The following NAALADL2 variants were observed in gnomAD, a reference collection of about 807,000 sequenced individuals.
NAALADL2 encodes N-acetylated alpha-linked acidic dipeptidase like 2.
In NAALADL2, 76 loss-of-function variants were observed where a neutral mutation model predicts 87.2. The ratio of observed to expected loss-of-function variants is 0.87; its 90% CI spans 0.72 to 1.05. The LOEUF (loss-of-function observed/expected upper bound fraction) is 1.05, where lower values mean the gene tolerates loss of function less well. Ranked by LOEUF, NAALADL2 falls within the 50% of genes least tolerant of loss-of-function variation. The pLI is 0.00. For synonymous variants in NAALADL2, 354 were observed against 331.0 expected, an observed-to-expected ratio of 1.07 and a Z score of -0.75; for missense variants, 1,089 against 945.8, an observed-to-expected ratio of 1.15 and a Z score of -1.99.
At chr3:175,039,750 G>C (rs1389069922) in intron 1 of NAALADL2, among the ~76,000 whole-genome samples, 1 of 152,076 alleles carries the variant, frequency 6.6e-6, no homozygotes, top group East Asian at 1.9e-4. Context: ...GGTTTACTGA[G>C]TACCAAGAGT....
intron 4 of NAALADL2, among the ~76,000 whole-genome samples, chr3:175,282,059 A>C (rs546436225): frequency 6.5e-4 from 99 of 152,186 alleles, no homozygotes; most frequent in African/African-American, 2.1e-3. Context: ...AGGAATGATT[A>C]GTTACCTAAA....
intron 5 of NAALADL2, among the ~76,000 whole-genome samples, chr3:175,328,788 A>G (rs4133272): frequency 0.044 from 6,637 of 152,304 alleles, 472 homozygotes; most frequent in African/African-American, 0.15. Flanking sequence ...GCCTAAAATC[A>G]TAAATCAGCT....
chr3:174,625,208 G>A (rs1350425718), intron 2 of NAALADL2, among the ~76,000 whole-genome samples: 3 of 151,664 alleles, frequency 2.0e-5, no homozygotes, highest in Admixed American at 6.6e-5. Context: ...ATGGGCACAC[G>A]CCACCACTCC....
intron 1 of NAALADL2, among the ~76,000 whole-genome samples, chr3:174,985,723 C>T (rs1161782409): frequency 1.3e-5 from 2 of 152,050 alleles, no homozygotes; most frequent in African/African-American, 2.4e-5. Context: ...GAGTCTGAGG[C>T]GGGATGGTCA....
At chr3:174,770,859 A>G (rs568866485) in intron 3 of NAALADL2, among the ~76,000 whole-genome samples, 54 of 147,812 alleles carry the variant, frequency 3.7e-4, no homozygotes, top group African/African-American at 1.2e-3. Context: ...AAAAAAAAAA[A>G]GAAAAAAAAA....
chr3:175,013,063 A>ATATATAAATATGTAATACATATT (rs1750095055), intron 1 of NAALADL2, among the ~76,000 whole-genome samples: 1 of 35,848 alleles, frequency 2.8e-5, no homozygotes, highest in Non-Finnish European at 5.0e-5. Flanking sequence ...ATATATACAC[A>ATATATAAATATGTAATACATATT]TATATATAAA....
At chr3:174,905,756 T>C (rs1386475376) in intron 1 of NAALADL2, among the ~76,000 whole-genome samples, 4 of 152,022 alleles carry the variant, frequency 2.6e-5, no homozygotes, top group South Asian at 2.1e-4. Context: ...ATCTCTATTG[T>C]GGTATCTGAT....
chr3:175,011,330 G>T (rs1007010962), intron 1 of NAALADL2, among the ~76,000 whole-genome samples: 1 of 149,516 alleles, frequency 6.7e-6, no homozygotes, highest in African/African-American at 2.5e-5. Flanking sequence ...GACTAATTCT[G>T]ATTATTCCAA....
At chr3:175,047,373 A>C (rs1754812715) in intron 1 of NAALADL2, among the ~76,000 whole-genome samples, 1 of 152,110 alleles carries the variant, frequency 6.6e-6, no homozygotes, top group Non-Finnish European at 1.5e-5. Context: ...TTAATCATGG[A>C]CTTTGATATG....
At chr3:175,231,340 A>G (rs1744912418) in intron 2 of NAALADL2, among the ~76,000 whole-genome samples, 1 of 152,054 alleles carries the variant, frequency 6.6e-6, no homozygotes, top group African/African-American at 2.4e-5. Flanking sequence ...TATACATCGT[A>G]TACGTTGTAT....
intron 11 of NAALADL2, among the ~76,000 whole-genome samples, chr3:175,735,615 AAG>A (rs1319914503): frequency 1.3e-5 from 2 of 152,184 alleles, no homozygotes; most frequent in Non-Finnish European, 2.9e-5. Flanking sequence ...GGCAGGAAAA[AAG>A]AGAGCAGGGA....
chr3:175,000,570 C>T (rs1281984589), intron 1 of NAALADL2, among the ~76,000 whole-genome samples: 1 of 152,126 alleles, frequency 6.6e-6, no homozygotes, highest in Non-Finnish European at 1.5e-5. Context: ...GACCTTTAAC[C>T]TATTTACCCT....
At chr3:175,149,396 T>C in intron 2 of NAALADL2, among the ~76,000 whole-genome samples, 1 of 152,192 alleles carries the variant, frequency 6.6e-6, no homozygotes, top group East Asian at 1.9e-4. Flanking sequence ...CAGTCTCAAA[T>C]TTTAGGAATT....
At chr3:175,467,585 A>G (rs941490455) in intron 8 of NAALADL2, among the ~76,000 whole-genome samples, 1 of 152,180 alleles carries the variant, frequency 6.6e-6, no homozygotes, top group African/African-American at 2.4e-5. Flanking sequence ...TTAAATGTTT[A>G]TTGCCTTAGC....
intron 5 of NAALADL2, among the ~76,000 whole-genome samples, chr3:175,362,910 G>C (rs1234536394): frequency 2.0e-5 from 3 of 147,642 alleles, no homozygotes; most frequent in Admixed American, 6.9e-5. Context: ...TTGTGGTTTT[G>C]ATTTTCATTT....
chr3:174,743,275 T>C (rs1253341457), intron 3 of NAALADL2, among the ~76,000 whole-genome samples: 2 of 151,776 alleles, frequency 1.3e-5, no homozygotes, highest in African/African-American at 4.8e-5. Context: ...TCTGAATTTA[T>C]CAAATGGATA....
chr3:174,923,083 G>T (rs1221167891), intron 1 of NAALADL2, among the ~76,000 whole-genome samples: 1 of 152,144 alleles, frequency 6.6e-6, no homozygotes. Flanking sequence ...TGGGAAAGTG[G>T]TTGATTCCAG....
At chr3:174,481,220 T>A (rs1303146481) in intron 1 of NAALADL2, among the ~76,000 whole-genome samples, 1 of 152,054 alleles carries the variant, frequency 6.6e-6, no homozygotes, top group Non-Finnish European at 1.5e-5. Context: ...TGCAATAGCA[T>A]TAGCACTATA....
intron 1 of NAALADL2, among the ~76,000 whole-genome samples, chr3:174,545,525 T>G (rs889346454): frequency 6.6e-6 from 1 of 152,202 alleles, no homozygotes; most frequent in African/African-American, 2.4e-5. Flanking sequence ...AAGCCTTTGT[T>G]ATCTTGTGGT....
Sources: allele counts gnomAD v4.1 joint callset (sites outside exome capture counted in the v4.1 genomes callset), GRCh38; gene constraint gnomAD v4.1.1; transcripts MANE v1.5; gene names NCBI Gene and HGNC (gene_info 2026-07-23, HGNC 2026-07-21).